The following PLBD2 variants were observed in gnomAD, a reference collection of about 807,000 sequenced individuals.
The protein encoded by PLBD2 is putative aminopeptidase PLBD2.
Under a neutral mutation model 68.3 loss-of-function variants are expected in PLBD2, and 51 were observed. The ratio of observed to expected loss-of-function variants is 0.75; its 90% CI spans 0.60 to 0.94. The LOEUF is 0.94. Among genes scored for constraint, PLBD2 ranks in the 40% least tolerant of loss-of-function variants. The probability of loss-of-function intolerance (pLI) is 0.00; values close to 1 mark genes in which losing one functional copy is unlikely to be tolerated. For synonymous variants in PLBD2, 314 were observed against 339.3 expected (o/e 0.93, Z 0.82); for missense variants, 729 against 792.2 (o/e 0.92, Z 0.96).
chr12:113,359,889 G>A (rs1159909061), intron 1 of PLBD2, among the ~76,000 whole-genome samples: 1 of 152,088 alleles, frequency 6.6e-6, no homozygotes, highest in Non-Finnish European at 1.5e-5. Context: ...CTGTGCTGGG[G>A]GATCCTAGGG....
Position 113,387,053 on chromosome 12 carries a change from T to G in PLBD2, c.1403T>G (p.Leu468Arg). 1 of 1,610,156 alleles carries G rather than the reference T, an allele frequency of 6.2e-7. No homozygotes were observed. Among genetic ancestry groups the G allele is most frequent in the Non-Finnish European group, 8.5e-7 (1 of 1,178,370 alleles). ...CAGATCTTCCGGCGGAACCAGTCAC[T>G]GGTACAAGACATGGACTCCATGGTC... ...RAQIFRRNQSLVQDMDSMVRL... is the reference protein window; with the variant it reads ...RAQIFRRNQSRVQDMDSMVRL... The change falls in exon 10 of 12, where the codon CTG (leucine) becomes CGG (arginine). Residue 468 changes from leucine to arginine, a missense_variant. Leu to Arg is a moderately radical substitution (Grantham distance 102). Coordinates refer to ENST00000280800, the MANE Select transcript of PLBD2 (RefSeq NM_173542.4).
chr12:113,379,812 CA>C (rs549168455), intron 5 of PLBD2, among the ~76,000 whole-genome samples: 98 of 140,118 alleles, frequency 7.0e-4, no homozygotes, highest in Admixed American at 6.4e-4. Context: ...AACTCTGTCT[CA>C]AAAAAAAAAA....
Position 113,361,938 on chromosome 12 carries a change from C to T in PLBD2, c.290+3048C>T, listed in dbSNP as rs185882424. On this transcript the variant is annotated intron_variant, in intron 1 of 11. Coordinates refer to ENST00000280800, the MANE Select transcript of PLBD2 (RefSeq NM_173542.4). ...AGAGGGAATTAACAAATTTAGTAAA[C>T]GGGGAAGCATCCCAAATCCACCAAC... 3.7e-4 allele frequency among the ~76,000 whole-genome samples: 56 copies of T among 152,226 alleles called. 1 individual carries two copies. Among genetic ancestry groups the T allele is most frequent in the African/African-American group, 1.3e-3 (56 of 41,546 alleles).
chr12:113,369,857 G>T (rs1391078987), intron 2 of PLBD2, among the ~76,000 whole-genome samples: 2 of 151,902 alleles, frequency 1.3e-5, no homozygotes, highest in African/African-American at 4.8e-5. Flanking sequence ...TTAGAGAGTG[G>T]TGATAGTTGC....
intron 1 of PLBD2, among the ~76,000 whole-genome samples, chr12:113,360,835 T>C (rs1484213158): frequency 6.6e-6 from 1 of 152,146 alleles, no homozygotes; most frequent in Non-Finnish European, 1.5e-5. Context: ...TTTGTATTAT[T>C]AGTAGAGATG....
rs1466363624 is a variant in PLBD2, at chr12:113,374,466, T to C, written c.544-8T>C. Reference sequence around the variant, plus strand: ...TCACCCTCCCTCTGCCCCCGCCCCCTCCCCTAGGTGCGGCTGACCCTCCTG... The same window carrying C: ...TCACCCTCCCTCTGCCCCCGCCCCCCCCCCTAGGTGCGGCTGACCCTCCTG... On this transcript the variant is annotated splice_region_variant and splice_polypyrimidine_tract_variant and intron_variant, in intron 3 of 11. Transcript: ENST00000280800. 4 of 1,396,002 alleles carry C rather than the reference T, an allele frequency of 2.9e-6. No homozygotes were observed. Among genetic ancestry groups the C allele is most frequent in the Admixed American group, 1.9e-5 (1 of 53,116 alleles). 86.5% of individuals were successfully genotyped at this position (1,396,002 alleles called of 1,614,324 possible).
At chr12:113,360,190 GT>G (rs1480934942) in intron 1 of PLBD2, among the ~76,000 whole-genome samples, 1 of 152,148 alleles carries the variant, frequency 6.6e-6, no homozygotes, top group Non-Finnish European at 1.5e-5. Context: ...ACTGGTTGGG[GT>G]AAATCTGGGA....
intron 5 of PLBD2, 32 bp from the exon 6 acceptor site, chr12:113,380,713 A>C: frequency 6.5e-7 from 1 of 1,534,770 alleles, no homozygotes. Context: ...TGCCTGTCTG[A>C]CCAGCATCCC....
intron 5 of PLBD2, among the ~76,000 whole-genome samples, chr12:113,376,145 C>T (rs568464723): frequency 1.6e-3 from 240 of 148,220 alleles, no homozygotes; most frequent in Non-Finnish European, 2.3e-3. Context: ...TGAGCCACCG[C>T]ACCTGGCTTG....
rs200606750 is a variant in PLBD2, at chr12:113,372,764, A to G, written c.500A>G (p.Gln167Arg). ...CTGGAGGCCAACCTAGAGTGGATGC[A>G]GGAAGAGATGGAGTCAAACCCAGAC... Reference protein sequence around the residue: ...SFLEANLEWMQEEMESNPDSP... With the variant: ...SFLEANLEWMREEMESNPDSP... The change falls in exon 3 of 12, where the codon CAG becomes CGG. Residue 167 changes from glutamine to arginine, a missense_variant. Gln to Arg is a conservative substitution (Grantham distance 43). Coordinates refer to ENST00000280800, the MANE Select transcript of PLBD2 (RefSeq NM_173542.4). The surrounding 1 kb of genome is among the most constrained non-coding windows in gnomAD (Gnocchi z 4.2). The G allele has an allele frequency of 6.2e-7, 1 of 1,614,006 alleles. No individual in the cohort carries two copies. The highest frequency in any genetic ancestry group is 1.7e-5 in the Admixed American group (1 of 60,022).
At chr12:113,380,305 T>C (rs1957475512) in intron 5 of PLBD2, among the ~76,000 whole-genome samples, 1 of 152,056 alleles carries the variant, frequency 6.6e-6, no homozygotes, top group Non-Finnish European at 1.5e-5. Flanking sequence ...CCTGGCTCAT[T>C]TTTTGTATTT....
In PLBD2 at chr12:113,370,477, T is replaced by C. The variant is rs77481435; in HGVS notation, c.384+1268T>C. ...TGTAATTTTCTTTTTCTTTTCTTTT[T>C]TTTTTTTTTTTTTTTTTGAGACAGA... On this transcript the variant is annotated intron_variant, in intron 2 of 11. Transcript: ENST00000280800. Among the ~76,000 whole-genome samples, 748 of 135,228 alleles carry C rather than the reference T, an allele frequency of 5.5e-3. 4 individuals carry two copies. The highest frequency in any genetic ancestry group is 0.015 in the African/African-American group (530 of 35,254). The allele number at this position is 135,228 out of a possible 152,430, so 88.7% of individuals were successfully genotyped here.
At position 113,375,001 on chromosome 12, in the gene PLBD2, C is replaced by T; in HGVS notation, c.853C>T (p.Pro285Ser). The T allele has an allele frequency of 6.2e-7, 1 of 1,613,992 alleles. No individual in the cohort carries two copies. The highest frequency in any genetic ancestry group is 1.1e-5 in the South Asian group (1 of 91,068). Residue 285 changes from proline to serine, a missense_variant, in exon 5 of 12, where the codon CCC (proline) becomes TCC (serine). Physicochemically the swap from Pro to Ser is moderately conservative, Grantham distance 74. Coordinates refer to ENST00000280800, the MANE Select transcript of PLBD2 (RefSeq NM_173542.4). ...KKYWLQFREG[P>S]WGDYPLVPGN... ...GTACTGGCTCCAGTTCCGGGAAGGC[C>T]CCTGGGGTAGGTGGGTGTGGGTGTG...
At chr12:113,367,253 GAA>G (rs1448326713) in intron 1 of PLBD2, among the ~76,000 whole-genome samples, 1 of 152,190 alleles carries the variant, frequency 6.6e-6, no homozygotes, top group Non-Finnish European at 1.5e-5. Context: ...ATAAAAATAA[GAA>G]AATATATGTA....
chr12:113,384,785 C>G lies in PLBD2; in HGVS notation c.1119-66C>G. ...TAATTCCTAGCTGAGTGGGACACTG[C>G]AGGGTGGGGAAAGCTGGGGAGGTGG... On this transcript the variant is annotated intron_variant, in intron 7 of 11. Coordinates refer to ENST00000280800, the MANE Select transcript of PLBD2 (RefSeq NM_173542.4). This position sits in a 1 kb window ranked among gnomAD's most constrained non-coding sequence, Gnocchi z 4.2. 7.3e-7 allele frequency: 1 copy of G among 1,362,234 alleles called. No homozygotes were observed. The highest frequency in any genetic ancestry group is 1.0e-6 in the Non-Finnish European group (1 of 959,338). 84.4% of individuals were successfully genotyped at this position (1,362,234 alleles called of 1,614,324 possible). A position where few individuals can be genotyped will look rare whatever the true frequency, so the allele number is the denominator to read the frequency against.
At chr12:113,370,244 A>G (rs1487409662) in intron 2 of PLBD2, among the ~76,000 whole-genome samples, 1 of 152,044 alleles carries the variant, frequency 6.6e-6, no homozygotes, top group Non-Finnish European at 1.5e-5. Context: ...TGCTGACTAT[A>G]TCTCAATATA....
chr12:113,368,537 C>T (rs781249819), intron 1 of PLBD2, among the ~76,000 whole-genome samples: 31 of 152,154 alleles, frequency 2.0e-4, no homozygotes, highest in Non-Finnish European at 4.1e-4. Flanking sequence ...CTGTCACTTC[C>T]ACCCATATCC....
rs764199823 is a variant in PLBD2, at chr12:113,358,928, G to T, written c.290+38G>T. On this transcript the variant is annotated intron_variant, in intron 1 of 11. Transcript: ENST00000280800. ...TTATCCCCACGCGGGGCCATCGGGGGAGGGGGATGCGTGGGCGCCGGACCT... is the reference window on the plus strand; with the variant it reads ...TTATCCCCACGCGGGGCCATCGGGGTAGGGGGATGCGTGGGCGCCGGACCT... 3.4e-6 allele frequency: 5 copies of T among 1,481,656 alleles called. No individual in the cohort carries two copies. The South Asian group carries it at 3.9e-5, about 12-fold the overall frequency. The allele number at this position is 1,481,656 out of a possible 1,614,324, so 91.8% of individuals were successfully genotyped here. A position where few individuals can be genotyped will look rare whatever the true frequency, so the allele number is the denominator to read the frequency against.
intron 1 of PLBD2, 80 bp from the exon 2 acceptor site, chr12:113,369,036 T>C (rs557830919): frequency 1.1e-6 from 1 of 935,390 alleles, no homozygotes; most frequent in Non-Finnish European, 1.6e-6. Context: ...TGTGTTGTTT[T>C]CATAGTTTAA....
Sources: gnomAD v4.1 joint callset for allele counts (sites outside exome capture counted in the v4.1 genomes callset) on GRCh38, gnomAD v4.1.1 for gene constraint, Gnocchi (gnomAD v3.1) non-coding constraint, MANE v1.5 for transcripts, NCBI Gene and HGNC (gene_info 2026-07-23, HGNC 2026-07-21) for gene names.